The following F9 variants were observed in gnomAD, a reference collection of about 807,000 sequenced individuals.
The protein encoded by F9 is coagulation factor IX.
In F9, 2 loss-of-function variants were observed where a neutral mutation model predicts 34.1. The ratio of observed to expected loss-of-function variants is 0.06; its 90% confidence interval spans 0.02 to 0.18. The LOEUF (loss-of-function observed/expected upper bound fraction) is 0.18, where lower values mean the gene tolerates loss of function less well. F9 is among the 10% of genes least tolerant of loss of function. The pLI, the probability that F9 is intolerant of heterozygous loss-of-function variation, is 1.00. For synonymous variants in F9, 137 were observed against 118.8 expected (o/e 1.15, Z -1.00); for missense variants, 216 against 345.1 (o/e 0.63, Z 2.96).
chrX:139,546,194 C>T (rs1214127650), intron 4 of F9, among the ~76,000 whole-genome samples: 1 of 111,851 alleles, frequency 8.9e-6, no homozygotes, highest in South Asian at 3.7e-4. Flanking sequence ...TTTGTTCCTA[C>T]GCTAGTTTCC....
intron 5 of F9, among the ~76,000 whole-genome samples, chrX:139,549,316 T>C (rs189203287): frequency 9.0e-6 from 1 of 111,481 alleles, no homozygotes; most frequent in East Asian, 2.8e-4. Context: ...ACTGTTTCAG[T>C]ACCTGTCTCA....
At chrX:139,548,238 C>A in intron 4 of F9, 125 bp from the exon 5 acceptor site, 1 of 708,271 alleles carries the variant, frequency 1.4e-6, no homozygotes, top group Non-Finnish European at 2.1e-6. Context: ...CTCTCCCCAA[C>A]GTATATTGGG....
intron 3 of F9, among the ~76,000 whole-genome samples, chrX:139,538,802 C>T (rs1318145837): frequency 9.0e-6 from 1 of 110,644 alleles, no homozygotes; most frequent in Non-Finnish European, 1.9e-5. Flanking sequence ...CCTACAATCC[C>T]TTCATTGCTC....
intron 1 of F9, among the ~76,000 whole-genome samples, chrX:139,535,312 T>A (rs1927431849): frequency 9.2e-6 from 1 of 109,083 alleles, no homozygotes; most frequent in Non-Finnish European, 1.9e-5. Flanking sequence ...TGAGCTGAGA[T>A]CGCACCACTG....
chrX:139,531,992 G>A (rs1429985402), intron 1 of F9, among the ~76,000 whole-genome samples: 1 of 112,421 alleles, frequency 8.9e-6, no homozygotes, highest in African/African-American at 3.2e-5. Flanking sequence ...TGTGACATCT[G>A]GGAGGACAAA....
At chrX:139,556,139 T>C (rs934445308) in intron 6 of F9, among the ~76,000 whole-genome samples, 2 of 111,413 alleles carry the variant, frequency 1.8e-5, no homozygotes, top group Non-Finnish European at 3.8e-5. Context: ...GTATTTATTC[T>C]ACATTTAACA....
chrX:139,545,273 T>G (rs1225907213), intron 4 of F9: 2 of 112,137 alleles, frequency 1.8e-5, no homozygotes, highest in African/African-American at 6.5e-5. Context: ...CTTACATTGT[T>G]TATGTTCCTG....
intron 1 of F9, among the ~76,000 whole-genome samples, chrX:139,535,009 C>T (rs2148354677): frequency 9.0e-6 from 1 of 111,250 alleles, no homozygotes; most frequent in South Asian, 3.8e-4. Flanking sequence ...GCAGGGTGGG[C>T]ACAGCATTGC....
intron 6 of F9, among the ~76,000 whole-genome samples, chrX:139,551,930 C>T (rs1358200776): frequency 8.9e-6 from 1 of 111,756 alleles, no homozygotes; most frequent in African/African-American, 3.3e-5. Flanking sequence ...TGGCTCATGC[C>T]AATAATCCCA....
intron 3 of F9, among the ~76,000 whole-genome samples, chrX:139,538,714 A>G (rs1158502144): frequency 9.0e-6 from 1 of 111,302 alleles, no homozygotes; most frequent in Non-Finnish European, 1.9e-5. Flanking sequence ...AGAATTTAGA[A>G]CTTTGAATCA....
In F9 at chrX:139,548,467, A is replaced by G. The variant is rs137852236; in HGVS notation, c.496A>G (p.Asn166Asp). The G allele has an allele frequency of 1.6e-5, 19 of 1,210,588 alleles. No homozygotes were observed. The highest frequency in any genetic ancestry group is 2.1e-5 in the Non-Finnish European group (19 of 894,747). ...TACTGAGGGATATCGACTTGCAGAA[A>G]ACCAGAAGTCCTGTGAACCAGCAGG... ...SCTEGYRLAE[N>D]QKSCEPAVPF... Residue 166 changes from asparagine (N) to aspartate (D), a missense_variant, in exon 5 of 8, where the codon AAC (asparagine) becomes GAC (aspartate). Physicochemically the swap from Asn to Asp is conservative, Grantham distance 23 (BLOSUM62 1). This residue lies in a region of F9 where 177 missense variants were observed against 311.8 expected (regional missense o/e 0.57). Coordinates refer to ENST00000218099, the MANE Select transcript of F9 (RefSeq NM_000133.4).
chrX:139,551,332 G>A, intron 6 of F9, 68 bp downstream of exon 6: 7 of 975,532 alleles, frequency 7.2e-6, no homozygotes, highest in Non-Finnish European at 1.0e-5. Context: ...GTGGGAGACT[G>A]AGGCTATTTT....
At chrX:139,537,771 A>G (rs978726741) in intron 3 of F9, among the ~76,000 whole-genome samples, 4 of 111,185 alleles carry the variant, frequency 3.6e-5, no homozygotes, top group Non-Finnish European at 7.5e-5. Flanking sequence ...AAGCCCTTCC[A>G]TGATTGTCCT....
chrX:139,532,823 A>C (rs4149665), intron 1 of F9, among the ~76,000 whole-genome samples: 1 of 112,180 alleles, frequency 8.9e-6, no homozygotes, highest in Non-Finnish European at 1.9e-5. Context: ...GTATTTCAGG[A>C]GTTTTGTATG....
chrX:139,539,817 T>A (rs926211068), intron 3 of F9, among the ~76,000 whole-genome samples: 1 of 111,238 alleles, frequency 9.0e-6, no homozygotes, highest in African/African-American at 3.3e-5. Flanking sequence ...GGGGACAAGG[T>A]CTAATTTTTA....
intron 1 of F9, among the ~76,000 whole-genome samples, chrX:139,534,227 G>T (rs1927405262): frequency 9.0e-6 from 1 of 111,277 alleles, no homozygotes; most frequent in Admixed American, 9.6e-5. Context: ...GGAGTAGGGA[G>T]AAAAAGAGAT....
At chrX:139,544,215 A>G (rs1927664355) in intron 4 of F9, among the ~76,000 whole-genome samples, 1 of 111,762 alleles carries the variant, frequency 8.9e-6, no homozygotes, top group South Asian at 3.7e-4. Flanking sequence ...TCACAATCTC[A>G]TATTGACGGA....
intron 1 of F9, among the ~76,000 whole-genome samples, chrX:139,534,168 A>G (rs1180713371): frequency 8.9e-6 from 1 of 112,078 alleles, no homozygotes; most frequent in African/African-American, 3.2e-5. Context: ...TTAAAGAGCT[A>G]AAGAGAATTG....
intron 5 of F9, among the ~76,000 whole-genome samples, chrX:139,549,746 A>G (rs1481255274): frequency 8.9e-6 from 1 of 112,546 alleles, no homozygotes; most frequent in African/African-American, 3.2e-5. Context: ...TATCAAGGCC[A>G]TCACGAGCAT....
Sources: allele counts gnomAD v4.1 joint callset (sites outside exome capture counted in the v4.1 genomes callset), GRCh38; gene constraint gnomAD v4.1.1; regional missense constraint gnomAD v4.1.1; transcripts MANE v1.5; gene names NCBI Gene and HGNC (gene_info 2026-07-23, HGNC 2026-07-21).